Variants in SNX30 observed in about 807,000 individuals in gnomAD.
SNX30 encodes sorting nexin-30.
SNX30 carries 24 observed loss-of-function variants against 46.4 expected under a neutral mutation model. That is an observed-to-expected ratio of 0.52 (90% CI 0.37 to 0.73). The LOEUF is 0.73. Among genes scored for constraint, SNX30 ranks in the 30% least tolerant of loss-of-function variants. The pLI, the probability that SNX30 is intolerant of heterozygous loss-of-function variation, is 0.00. For synonymous variants in SNX30, 189 were observed against 211.5 expected, an observed-to-expected ratio of 0.89 and a Z score of 0.92; for missense variants, 533 against 555.7, an observed-to-expected ratio of 0.96 and a Z score of 0.41.
intron 2 of SNX30, among the ~76,000 whole-genome samples, chr9:112,808,491 T>G (rs374457145): frequency 2.0e-5 from 3 of 152,344 alleles, no homozygotes; most frequent in African/African-American, 7.2e-5. Context: ...TCTTTTTTTC[T>G]GGAGACTACA....
Position 112,865,641 on chromosome 9 carries a change from ATATATATATATATATATATATG to A in SNX30, c.1254+1246_1254+1267del, listed in dbSNP as rs1273879890. 9.5e-5 allele frequency among the ~76,000 whole-genome samples: 11 copies of A among 116,352 alleles called. 1 individual carries two copies. The highest frequency in any genetic ancestry group is 5.0e-4 in the East Asian group (2 of 3,974). 76.3% of individuals were successfully genotyped at this position (116,352 alleles called of 152,430 possible). A position where few individuals can be genotyped will look rare whatever the true frequency, so the allele number is the denominator to read the frequency against. The stretch of plus-strand genomic sequence containing the variant: ...TGTCACGCCATATATATATATATAT[ATATATATATATATATATATATG>A]TATGTATGTATGCACACACACACAC... On this transcript the variant is annotated intron_variant, in intron 8 of 8. Transcript: ENST00000374232.
At chr9:112,759,531 C>T (rs1293680561) in intron 1 of SNX30, among the ~76,000 whole-genome samples, 1 of 152,048 alleles carries the variant, frequency 6.6e-6, no homozygotes. Context: ...AGATCAAGAC[C>T]ATCCTGGCCA....
intron 1 of SNX30, among the ~76,000 whole-genome samples, chr9:112,761,224 G>GT (rs1372713970): frequency 6.6e-6 from 1 of 152,186 alleles, no homozygotes. Flanking sequence ...GTGCAGTGGT[G>GT]TTACCTTGAC....
downstream of SNX30, chr9:112,875,755 C>T (rs1841510129): frequency 6.6e-6 from 1 of 152,156 alleles, no homozygotes. Context: ...TTAAGGATAA[C>T]AATCCTTCAT....
At position 112,864,277 on chromosome 9, in the gene SNX30, C is replaced by T. The variant is rs757445902; in HGVS notation, c.1132C>T (p.Arg378Trp). 8.1e-6 allele frequency: 13 copies of T among 1,613,950 alleles called. No individual in the cohort carries two copies. Among genetic ancestry groups the T allele is most frequent in the East Asian group, 2.2e-5 (1 of 44,892 alleles). Reference protein sequence around the residue: ...VPADVEKCQDRMECFNADLKA... With the variant: ...VPADVEKCQDWMECFNADLKA... ...GGCGGACGTCGAGAAATGTCAGGAT[C>T]GGATGGAGTGTTTCAATGCTGACCT... is the stretch of plus-strand genomic sequence containing the variant. The change falls in exon 8 of 9, where the codon CGG (arginine) becomes TGG (tryptophan). Residue 378 changes from arginine to tryptophan, a missense_variant. Transcript: ENST00000374232.
Position 112,834,757 on chromosome 9 carries a change from C to T in SNX30, c.619-1457C>T, listed in dbSNP as rs75429285. 4.0e-3 allele frequency among the ~76,000 whole-genome samples: 613 copies of T among 151,968 alleles called. 1 individual carries two copies. Among genetic ancestry groups the T allele is most frequent in the African/African-American group, 0.013 (543 of 41,406 alleles). On this transcript the variant is annotated intron_variant, in intron 4 of 8. Transcript: ENST00000374232. Reference sequence around the variant, plus strand: ...AGAGATTCTGTTTCCTGAGGCTTAACACACCCAACATTATAGTGAAAAGAC... The same window carrying T: ...AGAGATTCTGTTTCCTGAGGCTTAATACACCCAACATTATAGTGAAAAGAC...
rs747592060 is a variant in SNX30, at chr9:112,830,733, C to T, written c.468C>T (p.Pro156=). The change falls in exon 4 of 9, where the codon CCC becomes CCT. Residue 156 remains proline (P), a synonymous_variant. Coordinates refer to ENST00000374232, the MANE Select transcript of SNX30 (RefSeq NM_001012994.2). ...TCTTCATGTCTTCATAGCCTCTTCC[C>T]GAGAAGTTTGTGGTAAAAGGTGTTG... The part of the protein sequence containing the change: ...SQPTHLIPPL[P]EKFVVKGVVD... The T allele has an allele frequency of 1.2e-5, 19 of 1,609,018 alleles. No homozygotes were observed. Among genetic ancestry groups the T allele is most frequent in the Admixed American group, 3.4e-5 (2 of 58,600 alleles).
intron 4 of SNX30, among the ~76,000 whole-genome samples, chr9:112,832,460 G>GAGAGAGAGAC (rs1840677500): frequency 2.9e-5 from 2 of 69,390 alleles, no homozygotes; most frequent in Non-Finnish European, 6.2e-5. Flanking sequence ...GAGAGAGAGA[G>GAGAGAGAGAC]TGTGTGTGTG....
intron 3 of SNX30, among the ~76,000 whole-genome samples, chr9:112,823,714 T>A (rs1573055): frequency 0.068 from 10,354 of 152,292 alleles, 452 homozygotes; most frequent in Non-Finnish European, 0.099. Flanking sequence ...AAATTTGTAA[T>A]GCAACAATTT....
At chr9:112,828,493 A>T (rs1047553251) in intron 3 of SNX30, among the ~76,000 whole-genome samples, 9 of 151,988 alleles carry the variant, frequency 5.9e-5, no homozygotes, top group African/African-American at 2.2e-4. Context: ...TAAGTGACAC[A>T]TTAACTGTAA....
At chr9:112,850,370 A>G (rs959946007) in intron 6 of SNX30, among the ~76,000 whole-genome samples, 4 of 152,228 alleles carry the variant, frequency 2.6e-5, no homozygotes, top group Non-Finnish European at 4.4e-5. Context: ...GAGGACTAGT[A>G]AGTGGCTAAT....
chr9:112,826,760 GA>G (rs1250291141), intron 3 of SNX30, among the ~76,000 whole-genome samples: 1 of 152,186 alleles, frequency 6.6e-6, no homozygotes, highest in African/African-American at 2.4e-5. Flanking sequence ...TGCTTAGCAC[GA>G]AAAGCTGGGG....
intron 1 of SNX30, among the ~76,000 whole-genome samples, chr9:112,759,382 G>A (rs1839403884): frequency 6.6e-6 from 1 of 151,982 alleles, no homozygotes; most frequent in African/African-American, 2.4e-5. Context: ...GGTAACACTT[G>A]ATCCTGTTGT....
At chr9:112,857,083 G>A (rs975237328) in intron 7 of SNX30, among the ~76,000 whole-genome samples, 2 of 152,182 alleles carry the variant, frequency 1.3e-5, no homozygotes, top group East Asian at 1.9e-4. Flanking sequence ...CTGAGGGGGC[G>A]CCCTGCCTTT....
chr9:112,767,135 T>TTTA (rs1205707424), intron 1 of SNX30, among the ~76,000 whole-genome samples: 1 of 151,802 alleles, frequency 6.6e-6, no homozygotes, highest in Non-Finnish European at 1.5e-5. Flanking sequence ...TTTTTTTTTT[T>TTTA]TGATAGTAGT....
chr9:112,783,359 C>T (rs1839874721), intron 1 of SNX30, among the ~76,000 whole-genome samples: 1 of 152,160 alleles, frequency 6.6e-6, no homozygotes, highest in African/African-American at 2.4e-5. Flanking sequence ...AAAATTCCTC[C>T]CCTCTGCCAC....
At position 112,865,651 on chromosome 9, in the gene SNX30, A is replaced by G. The variant is rs1478929703; in HGVS notation, c.1254+1252A>G. ...TATATATATATATATATATATATAT[A>G]TATATATATATGTATGTATGTATGC... is the stretch of plus-strand genomic sequence containing the variant. On this transcript the variant is annotated intron_variant, in intron 8 of 8. Coordinates refer to ENST00000374232, the MANE Select transcript of SNX30 (RefSeq NM_001012994.2). Among the ~76,000 whole-genome samples the G allele has an allele frequency of 3.8e-3, 331 of 86,126 alleles. 15 individuals are homozygous for G. The highest frequency in any genetic ancestry group is 0.013 in the East Asian group (39 of 3,082). The allele number at this position is 86,126 out of a possible 152,430, so 56.5% of individuals were successfully genotyped here. A position where few individuals can be genotyped will look rare whatever the true frequency, so the allele number is the denominator to read the frequency against.
chr9:112,762,246 G>GA lies in SNX30; in HGVS notation c.156+11091dup, dbSNP rs572902509. The stretch of plus-strand genomic sequence containing the variant: ...TTTTTGTGTGTGTGTTGGTGGGGGG[G>GA]AAGTGGGATAGTGGAAAAGGTGTTT... On this transcript the variant is annotated intron_variant, in intron 1 of 8. Transcript: ENST00000374232. Among the ~76,000 whole-genome samples, 255 of 152,180 alleles carry GA rather than the reference G, an allele frequency of 1.7e-3. 2 individuals are homozygous for GA. The highest frequency in any genetic ancestry group is 3.0e-3 in the Non-Finnish European group (205 of 67,994).
At chr9:112,821,523 G>C (rs1218304981) in intron 3 of SNX30, among the ~76,000 whole-genome samples, 1 of 151,854 alleles carries the variant, frequency 6.6e-6, no homozygotes, top group East Asian at 1.9e-4. Context: ...GTCTCGCCCT[G>C]TCACCCAGGC....
Sources: allele counts gnomAD v4.1 joint callset (sites outside exome capture counted in the v4.1 genomes callset), GRCh38; gene constraint gnomAD v4.1.1; transcripts MANE v1.5; gene names NCBI Gene and HGNC (gene_info 2026-07-23, HGNC 2026-07-21).